Variants in FOXJ3 observed in about 807,000 individuals in gnomAD.
The protein encoded by FOXJ3 is forkhead box J3.
FOXJ3 carries 22 observed loss-of-function variants against 76.1 expected under a neutral mutation model. That is an observed-to-expected ratio of 0.29 (90% confidence interval 0.21 to 0.41). The LOEUF (loss-of-function observed/expected upper bound fraction) is 0.41, where lower values mean the gene tolerates loss of function less well. Ranked by LOEUF, FOXJ3 falls within the 10% of genes least tolerant of loss-of-function variation. FOXJ3 has a pLI of 1.00. For missense variants in FOXJ3, 613 were observed against 762.1 expected (o/e 0.80, Z 2.30); for synonymous variants, 269 against 261.2 (o/e 1.03, Z -0.29).
At chr1:42,311,518 G>A (rs1021145057) in intron 1 of FOXJ3, among the ~76,000 whole-genome samples, 1 of 152,100 alleles carries the variant, frequency 6.6e-6, no homozygotes. Context: ...AGCATGCAAG[G>A]TTCCAACCCC....
Position 42,188,207 on chromosome 1 carries a change from T to C in FOXJ3, c.1645+530A>G, listed in dbSNP as rs565694003. ...AAATGTGCAATCAGAGTAGAAGACA[T>C]GGCTGCAAGGGTAAAGAATGAAGGA... is the stretch of plus-strand genomic sequence containing the variant. On this transcript the variant is annotated intron_variant, in intron 11 of 12. Coordinates refer to ENST00000361346, the MANE Select transcript of FOXJ3 (RefSeq NM_014947.5). Among the ~76,000 whole-genome samples the C allele has an allele frequency of 2.5e-4, 38 of 152,248 alleles. 1 individual carries two copies. In the South Asian group the frequency reaches 7.7e-3, roughly 31 times the overall value.
At chr1:42,299,745 A>G (rs577532597) in intron 2 of FOXJ3, among the ~76,000 whole-genome samples, 1 of 152,006 alleles carries the variant, frequency 6.6e-6, no homozygotes, top group African/African-American at 2.4e-5. Context: ...CATCTCTACT[A>G]AAAAATACAA....
At chr1:42,188,674 CA>C in intron 11 of FOXJ3, 62 bp downstream of exon 11, 2 of 1,141,300 alleles carry the variant, frequency 1.8e-6, no homozygotes, top group Non-Finnish European at 2.4e-6. Flanking sequence ...TTGGTTAAGA[CA>C]GTTACTAAAT....
intron 12 of FOXJ3, 33 bp downstream of exon 12, chr1:42,181,881 ACAC>A: frequency 7.3e-7 from 1 of 1,376,314 alleles, no homozygotes; most frequent in Non-Finnish European, 1.0e-6. Flanking sequence ...ACACACACAC[ACAC>A]ACACACACAC....
chr1:42,216,055 G>A lies in FOXJ3; in HGVS notation c.529-10192C>T, dbSNP rs144095446. Reference sequence around the variant, plus strand: ...GTGAAACAGAAAATTTTTTAAAAATGAAGGCAAAATAAATACATTTTCAGG... The same window carrying A: ...GTGAAACAGAAAATTTTTTAAAAATAAAGGCAAAATAAATACATTTTCAGG... On this transcript the variant is annotated intron_variant, in intron 5 of 12. Coordinates refer to ENST00000361346, the MANE Select transcript of FOXJ3 (RefSeq NM_014947.5). 3.3e-3 allele frequency among the ~76,000 whole-genome samples: 509 copies of A among 152,172 alleles called. 4 individuals are homozygous for A. Among genetic ancestry groups the A allele is most frequent in the African/African-American group, 0.011 (476 of 41,510 alleles).
chr1:42,198,069 C>T (rs1444607533), intron 7 of FOXJ3, among the ~76,000 whole-genome samples: 2 of 151,854 alleles, frequency 1.3e-5, no homozygotes, highest in Non-Finnish European at 2.9e-5. Context: ...AGATTTTTTC[C>T]CCATTAATTT....
At chr1:42,307,370 GA>G (rs1654534253) in intron 2 of FOXJ3, among the ~76,000 whole-genome samples, 1 of 152,252 alleles carries the variant, frequency 6.6e-6, no homozygotes, top group Admixed American at 6.5e-5. Context: ...TTTCTTTGGG[GA>G]CTTTCCTCTA....
chr1:42,210,328 T>C (rs1455066633), intron 5 of FOXJ3, among the ~76,000 whole-genome samples: 1 of 152,110 alleles, frequency 6.6e-6, no homozygotes, highest in Non-Finnish European at 1.5e-5. Context: ...CCTGGTAGCA[T>C]AACACAACAG....
chr1:42,237,915 C>T (rs1276078940), intron 4 of FOXJ3, among the ~76,000 whole-genome samples: 1 of 13,818 alleles, frequency 7.2e-5, no homozygotes, highest in Admixed American at 1.2e-3. Context: ...TCAAAATACA[C>T]ACACACACAC....
At chr1:42,281,039 T>C (rs375594594) in intron 2 of FOXJ3, among the ~76,000 whole-genome samples, 85 of 152,272 alleles carry the variant, frequency 5.6e-4, no homozygotes, top group African/African-American at 1.9e-3. Context: ...ATAATTGTTA[T>C]TGCAGGTGCT....
In FOXJ3 at chr1:42,261,204, T is replaced by TA. The variant is rs893191666; in HGVS notation, c.444+3910dup. 8.9e-3 allele frequency among the ~76,000 whole-genome samples: 1,214 copies of TA among 137,038 alleles called. 22 individuals carry two copies. The highest frequency in any genetic ancestry group is 0.028 in the African/African-American group (1,051 of 37,312). 89.9% of individuals were successfully genotyped at this position (137,038 alleles called of 152,430 possible). The stretch of plus-strand genomic sequence containing the variant: ...AATAAGACTTATAACCCAAAGAATT[T>TA]AAAAAAAAAAAGACAAATATAGAGA... On this transcript the variant is annotated intron_variant, in intron 4 of 12. Transcript: ENST00000361346.
At chr1:42,274,011 C>G (rs529098850) in intron 3 of FOXJ3, among the ~76,000 whole-genome samples, 7 of 152,184 alleles carry the variant, frequency 4.6e-5, no homozygotes, top group Admixed American at 1.3e-4. Flanking sequence ...TACCTGGCAT[C>G]TGCAGGCACT....
intron 2 of FOXJ3, among the ~76,000 whole-genome samples, chr1:42,305,537 C>T (rs747473868): frequency 1.3e-5 from 2 of 152,098 alleles, no homozygotes; most frequent in Middle Eastern, 3.2e-3. Flanking sequence ...AAATGTGGTA[C>T]ATATATACAC....
At chr1:42,310,153 T>G (rs1479047867) in intron 2 of FOXJ3, among the ~76,000 whole-genome samples, 1 of 151,824 alleles carries the variant, frequency 6.6e-6, no homozygotes, top group African/African-American at 2.4e-5. Context: ...GTTTAGGTTT[T>G]TTTTTTTTTT....
chr1:42,223,478 T>C (rs1557650946), intron 5 of FOXJ3, among the ~76,000 whole-genome samples: 1 of 152,246 alleles, frequency 6.6e-6, no homozygotes, highest in Non-Finnish European at 1.5e-5. Context: ...TCTTCAATTA[T>C]GCCCACCTGT....
At chr1:42,257,592 A>G (rs993303799) in intron 4 of FOXJ3, among the ~76,000 whole-genome samples, 6 of 152,124 alleles carry the variant, frequency 3.9e-5, no homozygotes, top group Non-Finnish European at 8.8e-5. Flanking sequence ...TACAAAAATT[A>G]GCCAGGCGTG....
At chr1:42,188,995 G>C in intron 10 of FOXJ3, 67 bp from the exon 11 acceptor site, 1 of 1,071,418 alleles carries the variant, frequency 9.3e-7, no homozygotes, top group Non-Finnish European at 1.3e-6. Flanking sequence ...AAAATAGCAA[G>C]ACATAATTTT....
chr1:42,260,029 C>T (rs1650911653), intron 4 of FOXJ3, among the ~76,000 whole-genome samples: 1 of 152,274 alleles, frequency 6.6e-6, no homozygotes, highest in South Asian at 2.1e-4. Context: ...CTTGCTTATC[C>T]TTCAGTCCTA....
At chr1:42,308,325 G>C (rs1208995013) in intron 2 of FOXJ3, among the ~76,000 whole-genome samples, 3 of 152,226 alleles carry the variant, frequency 2.0e-5, no homozygotes, top group Non-Finnish European at 2.9e-5. Flanking sequence ...GGGTAGTGTA[G>C]TGTGCAGGGG....
Sources: gnomAD v4.1 joint callset for allele counts (sites outside exome capture counted in the v4.1 genomes callset) on GRCh38, gnomAD v4.1.1 for gene constraint, MANE v1.5 for transcripts, NCBI Gene and HGNC (gene_info 2026-07-23, HGNC 2026-07-21) for gene names.